Variants in ABCA13 observed in about 807,000 individuals in gnomAD.
ABCA13 encodes the protein ATP-binding cassette sub-family A member 13.
A neutral mutation model predicts 478.7 loss-of-function variants in ABCA13; 476 were observed. The ratio of observed to expected loss-of-function variants is 0.99; its 90% CI spans 0.92 to 1.07. ABCA13 has a LOEUF of 1.07. ABCA13 is among the 50% of genes least tolerant of loss of function. The pLI is 0.00. For missense variants in ABCA13, 6,060 were observed against 5,910.6 expected (o/e 1.03, Z -0.83); for synonymous variants, 2,252 against 2,158.9 (o/e 1.04, Z -1.20).
At chr7:48,563,977 G>A (rs185000668) in intron 55 of ABCA13, among the ~76,000 whole-genome samples, 22 of 152,084 alleles carry the variant, frequency 1.4e-4, no homozygotes, top group Admixed American at 1.4e-3. Context: ...TAACTCTTCA[G>A]TATAAACAAT....
At chr7:48,306,093 A>T (rs1800866534) in intron 23 of ABCA13, among the ~76,000 whole-genome samples, 1 of 152,218 alleles carries the variant, frequency 6.6e-6, no homozygotes, top group Admixed American at 6.5e-5. Context: ...ACGCAATACA[A>T]TCTTTAAAAG....
intron 29 of ABCA13, among the ~76,000 whole-genome samples, chr7:48,349,266 G>T (rs546216761): frequency 1.3e-5 from 2 of 152,154 alleles, no homozygotes; most frequent in African/African-American, 4.8e-5. Flanking sequence ...CAAATTACTG[G>T]AACATAATAA....
chr7:48,233,226 T>A (rs1400382105), intron 7 of ABCA13, among the ~76,000 whole-genome samples: 1 of 152,158 alleles, frequency 6.6e-6, no homozygotes, highest in Middle Eastern at 3.2e-3. Flanking sequence ...AGATAATGCT[T>A]GTGAAAATGG....
chr7:48,239,441 G>A, intron 9 of ABCA13, 36 bp downstream of exon 9: 1 of 1,540,110 alleles, frequency 6.5e-7, no homozygotes, highest in Admixed American at 1.9e-5. Flanking sequence ...GTTCAAAGGT[G>A]TGCCAGTTTG....
intron 42 of ABCA13, among the ~76,000 whole-genome samples, chr7:48,452,338 A>C (rs1220911468): frequency 1.3e-5 from 2 of 152,200 alleles, no homozygotes; most frequent in African/African-American, 4.8e-5. Flanking sequence ...AATCCACACG[A>C]TATGTTGGTG....
chr7:48,603,069 G>A (rs558993243), intron 58 of ABCA13, among the ~76,000 whole-genome samples: 30 of 152,022 alleles, frequency 2.0e-4, no homozygotes, highest in East Asian at 1.2e-3. Flanking sequence ...TAATTTTTGC[G>A]CATTGATTTT....
chr7:48,443,492 G>T (rs1823895977), intron 42 of ABCA13, among the ~76,000 whole-genome samples: 1 of 152,290 alleles, frequency 6.6e-6, no homozygotes, highest in South Asian at 2.1e-4. Context: ...CTTCTGAGTA[G>T]TTATTTACTG....
chr7:48,638,895 A>T (rs73696907), intron 59 of ABCA13, among the ~76,000 whole-genome samples: 22 of 152,284 alleles, frequency 1.4e-4, no homozygotes, highest in Middle Eastern at 6.8e-3. Context: ...ATTAGATGAG[A>T]TCCTGCTTCA....
chr7:48,270,190 A>G (rs1242092596), intron 16 of ABCA13, among the ~76,000 whole-genome samples: 1 of 152,190 alleles, frequency 6.6e-6, no homozygotes, highest in Admixed American at 6.5e-5. Context: ...ACTTGAAATG[A>G]CAAAACCTGG....
rs200226711 is a variant in ABCA13, at chr7:48,245,870, C to T, written c.1499C>T (p.Ala500Val). 268 of 1,610,330 alleles carry T rather than the reference C, an allele frequency of 1.7e-4. No individual in the cohort carries two copies. In the African/African-American group the frequency reaches 3.1e-3, roughly 19 times the overall value. Residue 500 changes from alanine (A) to valine (V), a missense_variant, in exon 13 of 62, where the codon GCG becomes GTG. This residue lies in a region of ABCA13 where 4,423 missense variants were observed against 4,309.1 expected (regional missense o/e 1.03). Coordinates refer to ENST00000435803, the MANE Select transcript of ABCA13 (RefSeq NM_152701.5). ...CTCTTATTAATCTTTTAGATGTTGG[C>T]GAAGAATGCTGTCTGCCCGAATGGT... ...VFFWELKQML[A>V]KNAVCPNGRF...
rs1448691247 is a variant in ABCA13, at chr7:48,278,668, C to G, written c.7474C>G (p.Leu2492Val). The change falls in exon 18 of 62, where the codon CTG (leucine) becomes GTG (valine). Residue 2492 changes from leucine to valine, a missense_variant. Transcript: ENST00000435803. ...ISRASEESHV[L>V]KPLLEMSGTL... ...AAGAGCAAGTGAAGAAAGTCACGTC[C>G]TGAAACCCCTCTTAGAAATGTCTGG... The G allele has an allele frequency of 6.2e-7, 1 of 1,613,676 alleles. No homozygotes were observed. The highest frequency in any genetic ancestry group is 2.2e-5 in the East Asian group (1 of 44,876).
At chr7:48,410,468 C>G in intron 39 of ABCA13, 52 bp from the exon 40 acceptor site, 3 of 1,609,104 alleles carry the variant, frequency 1.9e-6, no homozygotes, top group Non-Finnish European at 2.6e-6. Context: ...AGGGAAGGTC[C>G]TCCTGGGGCC....
intron 42 of ABCA13, among the ~76,000 whole-genome samples, chr7:48,440,157 C>T (rs1015453488): frequency 6.6e-5 from 10 of 152,198 alleles, no homozygotes; most frequent in Admixed American, 3.9e-4. Context: ...GTAAATGGCA[C>T]AGATGTTAAT....
intron 35 of ABCA13, 55 bp from the exon 36 acceptor site, chr7:48,387,767 C>T: frequency 2.2e-6 from 3 of 1,337,810 alleles, no homozygotes; most frequent in Non-Finnish European, 3.0e-6. Context: ...TATTCTAATA[C>T]AGTACCTTCA....
rs1041992009 is a variant in ABCA13, at chr7:48,646,608, C to A, written c.*1096C>A. 3.9e-5 allele frequency: 6 copies of A among 152,112 alleles called. No individual in the cohort carries two copies. The highest frequency in any genetic ancestry group is 1.4e-4 in the African/African-American group (6 of 41,400). 9.4% of individuals were successfully genotyped at this position (152,112 alleles called of 1,614,324 possible). A position where few individuals can be genotyped will look rare whatever the true frequency, so the allele number is the denominator to read the frequency against. ...GATGTCGGCTCACTGCAAGCTCCGCCTCCTGGGTTCACGCCATTCTCCTGC... is the reference window on the plus strand; with the variant it reads ...GATGTCGGCTCACTGCAAGCTCCGCATCCTGGGTTCACGCCATTCTCCTGC... On this transcript the variant is annotated 3_prime_UTR_variant, in exon 62 of 62. Transcript: ENST00000435803.
chr7:48,394,595 G>A (rs1169348809), intron 38 of ABCA13, among the ~76,000 whole-genome samples: 2 of 152,164 alleles, frequency 1.3e-5, no homozygotes, highest in African/African-American at 4.8e-5. Flanking sequence ...CCACCAGATA[G>A]CAAACCCCTT....
In ABCA13 at chr7:48,279,523, A is replaced by G; in HGVS notation, c.8329A>G (p.Thr2777Ala). Residue 2777 changes from threonine (T) to alanine (A), a missense_variant, in exon 18 of 62, where the codon ACA becomes GCA. This residue lies in a region of ABCA13 where 4,423 missense variants were observed against 4,309.1 expected (regional missense o/e 1.03). Transcript: ENST00000435803. ...AAATAACCTTTTGAAAACCATAGAA[A>G]CAGTTTTAGAGGCCTCCAGTGGAAT... is the stretch of plus-strand genomic sequence containing the variant. Reference protein sequence around the residue: ...HPNNLLKTIETVLEASSGIKS... With the variant: ...HPNNLLKTIEAVLEASSGIKS... 1 of 1,613,516 alleles carries G rather than the reference A, an allele frequency of 6.2e-7. No individual in the cohort carries two copies. The highest frequency in any genetic ancestry group is 8.5e-7 in the Non-Finnish European group (1 of 1,179,678).
Position 48,524,337 on chromosome 7 carries a change from A to G in ABCA13, c.14141A>G (p.Asn4714Ser), listed in dbSNP as rs573996419. ...AAGAGAGTGTTTGAAGGAAGGACCA[A>G]TGGAGACATTCTTGTGTTATACAAC... The part of the protein sequence containing the change: ...EEKRVFEGRT[N>S]GDILVLYNLS... The change falls in exon 54 of 62, where the codon AAT becomes AGT. Residue 4714 changes from asparagine (N) to serine (S), a missense_variant. Asn to Ser is a conservative substitution (Grantham distance 46, BLOSUM62 1). This residue lies in a region of ABCA13 where 1,627 missense variants were observed against 1,571.0 expected (regional missense o/e 1.04). Coordinates refer to ENST00000435803, the MANE Select transcript of ABCA13 (RefSeq NM_152701.5). 6.8e-6 allele frequency: 11 copies of G among 1,613,314 alleles called. No individual in the cohort carries two copies. The highest frequency in any genetic ancestry group is 4.0e-5 in the African/African-American group (3 of 75,056).
chr7:48,508,235 A>G (rs879675728), intron 50 of ABCA13, among the ~76,000 whole-genome samples, 186 bp downstream of exon 50: 6 of 152,184 alleles, frequency 3.9e-5, no homozygotes, highest in Non-Finnish European at 7.3e-5. Context: ...TTGGTTCATA[A>G]GGGGAAGACT....
Sources: gnomAD v4.1 joint callset for allele counts (sites outside exome capture counted in the v4.1 genomes callset) on GRCh38, gnomAD v4.1.1 for gene constraint, gnomAD v4.1.1 regional missense constraint, MANE v1.5 for transcripts, NCBI Gene and HGNC (gene_info 2026-07-23, HGNC 2026-07-21) for gene names.